The following VMP1 variants were observed in gnomAD, a reference collection of about 807,000 sequenced individuals.
The protein encoded by VMP1 is vacuole membrane protein 1, also known as ectopic P-granules autophagy protein 3 homolog.
VMP1 carries 11 observed loss-of-function variants against 56.0 expected under a neutral mutation model. The observed-to-expected ratio is 0.20, with a 90% confidence interval of 0.12 to 0.32. The LOEUF is 0.32. VMP1 is among the 10% of genes least tolerant of loss of function. The pLI is 1.00. For synonymous variants in VMP1, 149 were observed against 165.0 expected, an observed-to-expected ratio of 0.90 and a Z score of 0.74; for missense variants, 296 against 490.3, an observed-to-expected ratio of 0.60 and a Z score of 3.74.
intron 6 of VMP1, among the ~76,000 whole-genome samples, chr17:59,768,227 T>TTACATTTGTTA (rs1199154504): frequency 6.6e-6 from 1 of 152,234 alleles, no homozygotes; most frequent in Non-Finnish European, 1.5e-5. Flanking sequence ...ACTGTCTCGT[T>TTACATTTGTTA]ATATTAAAAA....
chr17:59,823,063 C>T (rs944704387), intron 10 of VMP1, among the ~76,000 whole-genome samples: 12 of 151,840 alleles, frequency 7.9e-5, no homozygotes, highest in African/African-American at 1.2e-4. Context: ...CCATCCTAGG[C>T]GACAGAGTGA....
chr17:59,791,035 G>A (rs554359217), intron 7 of VMP1, among the ~76,000 whole-genome samples: 8 of 151,966 alleles, frequency 5.3e-5, no homozygotes, highest in East Asian at 3.9e-4. Context: ...TCATAACTTC[G>A]CATGATGAAA....
intron 2 of VMP1, 47 bp downstream of exon 2, chr17:59,731,569 T>TA: frequency 3.7e-6 from 5 of 1,339,730 alleles, no homozygotes; most frequent in Non-Finnish European, 5.0e-6. Context: ...GTTTAAATGA[T>TA]ATACTTTTCA....
At chr17:59,729,953 G>A (rs1005664197) in intron 1 of VMP1, 1 of 152,080 alleles carries the variant, frequency 6.6e-6, no homozygotes, top group African/African-American at 2.4e-5. Flanking sequence ...CAAAGTGCTG[G>A]GATTACAGGC....
chr17:59,767,382 T>C (rs974863052), intron 6 of VMP1, among the ~76,000 whole-genome samples: 9 of 152,302 alleles, frequency 5.9e-5, no homozygotes, highest in African/African-American at 2.2e-4. Flanking sequence ...GGAAAAATTG[T>C]CATGTTTCCT....
chr17:59,709,737 T>C (rs1243233154), intron 1 of VMP1, among the ~76,000 whole-genome samples: 2 of 152,176 alleles, frequency 1.3e-5, no homozygotes, highest in Non-Finnish European at 1.5e-5. Flanking sequence ...AATAGGTTCC[T>C]GGAAAATGAG....
At chr17:59,792,682 T>C (rs576025838) in intron 7 of VMP1, among the ~76,000 whole-genome samples, 2 of 147,038 alleles carry the variant, frequency 1.4e-5, no homozygotes, top group East Asian at 4.2e-4. Flanking sequence ...CTGACCAACA[T>C]GGAGGTCTGT....
intron 8 of VMP1, among the ~76,000 whole-genome samples, chr17:59,810,661 C>CA (rs2038025909): frequency 6.6e-6 from 1 of 151,992 alleles, no homozygotes; most frequent in African/African-American, 2.4e-5. Context: ...ATGAGAAAAA[C>CA]AAAAATGAGT....
At chr17:59,836,891 GC>G (rs903028582) in intron 10 of VMP1, among the ~76,000 whole-genome samples, 1 of 151,988 alleles carries the variant, frequency 6.6e-6, no homozygotes, top group African/African-American at 2.4e-5. Flanking sequence ...ATAAAAAGCA[GC>G]AAGGAATTGT....
intron 7 of VMP1, among the ~76,000 whole-genome samples, chr17:59,804,615 TA>T (rs35616891): frequency 5.8e-4 from 41 of 70,166 alleles, no homozygotes; most frequent in South Asian, 2.6e-3. Flanking sequence ...AGACTCCAGC[TA>T]AAAAAAAAAA....
At chr17:59,750,923 C>A (rs923584817) in intron 5 of VMP1, among the ~76,000 whole-genome samples, 9 of 143,018 alleles carry the variant, frequency 6.3e-5, no homozygotes, top group Non-Finnish European at 9.0e-5. Context: ...TCCAAGATAG[C>A]ACCTTTTTTT....
intron 7 of VMP1, among the ~76,000 whole-genome samples, chr17:59,778,470 G>A (rs1313342892): frequency 6.6e-6 from 1 of 151,836 alleles, no homozygotes; most frequent in Non-Finnish European, 1.5e-5. Context: ...GTGAACCTGG[G>A]AGGTGGAGCT....
At chr17:59,728,854 G>T (rs1329825712) in intron 1 of VMP1, among the ~76,000 whole-genome samples, 1 of 151,850 alleles carries the variant, frequency 6.6e-6, no homozygotes, top group South Asian at 2.1e-4. Flanking sequence ...CATTTAAACG[G>T]TATATTCACA....
In VMP1 at chr17:59,789,932, C is replaced by T. The variant is rs149972944; in HGVS notation, c.714+16047C>T. ...TCAGCTCACTGCAACCTCCACCTCC[C>T]GGGTTCAAGCGATTCTCCTGCCCCA... is the stretch of plus-strand genomic sequence containing the variant. On this transcript the variant is annotated intron_variant, in intron 7 of 11. Transcript: ENST00000262291. Among the ~76,000 whole-genome samples the T allele has an allele frequency of 7.8e-3, 1,162 of 148,980 alleles. 12 individuals are homozygous for T. The highest frequency in any genetic ancestry group is 0.027 in the African/African-American group (1,099 of 40,016).
At chr17:59,813,384 C>G (rs370330835) in intron 9 of VMP1, among the ~76,000 whole-genome samples, 8 of 152,138 alleles carry the variant, frequency 5.3e-5, no homozygotes, top group Admixed American at 5.2e-4. Flanking sequence ...TCCAGACCAG[C>G]CTGACCAACA....
At chr17:59,807,966 T>C (rs762703447) in intron 7 of VMP1, among the ~76,000 whole-genome samples, 1 of 152,240 alleles carries the variant, frequency 6.6e-6, no homozygotes. Flanking sequence ...TTTTGTCTTA[T>C]GAACTATTTT....
intron 5 of VMP1, among the ~76,000 whole-genome samples, chr17:59,742,869 G>C (rs1426942181): frequency 6.6e-6 from 1 of 152,132 alleles, no homozygotes; most frequent in Non-Finnish European, 1.5e-5. Context: ...GATCTAGCTT[G>C]CATGCTCTTT....
At chr17:59,773,673 A>G (rs889350261) in intron 6 of VMP1, 81 bp from the exon 7 acceptor site, 28 of 1,332,212 alleles carry the variant, frequency 2.1e-5, no homozygotes, top group African/African-American at 2.1e-4. Flanking sequence ...TTCTGGTGAT[A>G]TAGAAGAGTA....
At chr17:59,786,549 G>C (rs1293979540) in intron 7 of VMP1, among the ~76,000 whole-genome samples, 1 of 152,182 alleles carries the variant, frequency 6.6e-6, no homozygotes, top group African/African-American at 2.4e-5. Context: ...CTGGGTGTCA[G>C]TTGTTGCTGG....
Sources: gnomAD v4.1 joint callset for allele counts (sites outside exome capture counted in the v4.1 genomes callset) on GRCh38, gnomAD v4.1.1 for gene constraint, MANE v1.5 for transcripts, NCBI Gene and HGNC (gene_info 2026-07-23, HGNC 2026-07-21) for gene names.